The following SWT1 variants were observed in gnomAD, a reference collection of about 807,000 sequenced individuals.
SWT1 encodes the protein SWT1 RNA endoribonuclease homolog.
In SWT1, 33 loss-of-function variants were observed where a neutral mutation model predicts 107.3. The ratio of observed to expected loss-of-function variants is 0.31; its 90% CI spans 0.23 to 0.41. The LOEUF (loss-of-function observed/expected upper bound fraction) is 0.41. SWT1 is among the 10% of genes least tolerant of loss of function. The pLI is 1.00. For synonymous variants in SWT1, 345 were observed against 348.3 expected (o/e 0.99, Z 0.11); for missense variants, 898 against 1,028.9 (o/e 0.87, Z 1.74).
intron 16 of SWT1, among the ~76,000 whole-genome samples, chr1:185,246,489 C>G (rs1033515480): frequency 6.6e-6 from 1 of 152,008 alleles, no homozygotes; most frequent in African/African-American, 2.4e-5. Context: ...GTTGATCAGG[C>G]TGGTCTCGAA....
At chr1:185,284,785 G>A (rs911072683) in intron 18 of SWT1, among the ~76,000 whole-genome samples, 3 of 152,136 alleles carry the variant, frequency 2.0e-5, no homozygotes, top group Non-Finnish European at 1.5e-5. Context: ...GTGTCTTCAA[G>A]AGATAATTAT....
intron 6 of SWT1, among the ~76,000 whole-genome samples, chr1:185,181,304 A>G (rs532503670): frequency 6.6e-6 from 1 of 152,290 alleles, no homozygotes; most frequent in South Asian, 2.1e-4. Context: ...ATATTAATTG[A>G]TTTTTATTTG....
chr1:185,182,939 C>G (rs1404575010), intron 7 of SWT1, among the ~76,000 whole-genome samples: 1 of 151,958 alleles, frequency 6.6e-6, no homozygotes, highest in African/African-American at 2.4e-5. Flanking sequence ...AGTTCGAGAC[C>G]AGTCTGGCCA....
At chr1:185,269,995 T>C (rs1383734709) in intron 16 of SWT1, among the ~76,000 whole-genome samples, 1 of 151,958 alleles carries the variant, frequency 6.6e-6, no homozygotes, top group Non-Finnish European at 1.5e-5. Context: ...CTTTATTAGA[T>C]GATGATGATG....
In SWT1 at chr1:185,291,183, C is replaced by A. The variant is rs536885696; in HGVS notation, c.*380C>A. Reference sequence around the variant, plus strand: ...TTCAACCCTAAGTATGGGCATGTGACCAGAGACACTGCCAAACCCTAAGAA... The same window carrying A: ...TTCAACCCTAAGTATGGGCATGTGAACAGAGACACTGCCAAACCCTAAGAA... On this transcript the variant is annotated 3_prime_UTR_variant, in exon 19 of 19. Transcript: ENST00000367500. 1 of 153,630 alleles carries A rather than the reference C, an allele frequency of 6.5e-6. No homozygotes were observed. Among genetic ancestry groups the A allele is most frequent in the African/African-American group, 2.4e-5 (1 of 41,454 alleles). The allele number at this position is 153,630 out of a possible 1,614,324, so 9.5% of individuals were successfully genotyped here.
chr1:185,173,538 A>C (rs1458273995), intron 4 of SWT1, among the ~76,000 whole-genome samples: 1 of 149,182 alleles, frequency 6.7e-6, no homozygotes, highest in Non-Finnish European at 1.5e-5. Flanking sequence ...ACCAAAAAAA[A>C]AAAAAAAAAA....
chr1:185,197,646 T>C (rs549401732), intron 10 of SWT1, among the ~76,000 whole-genome samples: 2 of 152,290 alleles, frequency 1.3e-5, no homozygotes, highest in South Asian at 4.1e-4. Context: ...TTGTTGTTGG[T>C]CTATTCAGGG....
chr1:185,202,852 ATTAT>A (rs1657998341), intron 11 of SWT1, 53 bp downstream of exon 11: 10 of 998,872 alleles, frequency 1.0e-5, no homozygotes, highest in South Asian at 5.1e-5. Context: ...ATACACTAAG[ATTAT>A]TTATAACATT....
In SWT1 at chr1:185,214,669, G is replaced by A. The variant is rs1432839768; in HGVS notation, c.2121+14G>A. On this transcript the variant is annotated intron_variant, in intron 14 of 18. Transcript: ENST00000367500. ...ACATTTGCAGAGGTAAGATGCCTTTGGAATGCCAGTTAGAGTAGCTAATTA... is the reference window on the plus strand; with the variant it reads ...ACATTTGCAGAGGTAAGATGCCTTTAGAATGCCAGTTAGAGTAGCTAATTA... 2.5e-6 allele frequency: 4 copies of A among 1,596,018 alleles called. No individual in the cohort carries two copies. The highest frequency in any genetic ancestry group is 2.3e-5 in the East Asian group (1 of 44,286).
intron 13 of SWT1, among the ~76,000 whole-genome samples, chr1:185,214,140 C>T (rs774158324): frequency 1.3e-5 from 2 of 152,060 alleles, no homozygotes; most frequent in Non-Finnish European, 2.9e-5. Flanking sequence ...CTTCTGATCT[C>T]TCCACAGTAC....
chr1:185,229,206 AATG>A (rs1169175403), intron 15 of SWT1, among the ~76,000 whole-genome samples: 7 of 152,268 alleles, frequency 4.6e-5, no homozygotes, highest in South Asian at 4.1e-4. Flanking sequence ...CCAGGTGGAA[AATG>A]ATGATGATTT....
Position 185,279,472 on chromosome 1 carries a change from T to C in SWT1, c.2573+2804T>C, listed in dbSNP as rs566083892. Among the ~76,000 whole-genome samples, 17 of 152,228 alleles carry C rather than the reference T, an allele frequency of 1.1e-4. No individual in the cohort carries two copies. The South Asian group carries it at 3.5e-3, about 32-fold the overall frequency. Reference sequence around the variant, plus strand: ...GGATTTAAACTATGAAGTTAATGAGTAAACCCTCTTTTATACCCAGAAGGA... The same window carrying C: ...GGATTTAAACTATGAAGTTAATGAGCAAACCCTCTTTTATACCCAGAAGGA... On this transcript the variant is annotated intron_variant, in intron 18 of 18. Transcript: ENST00000367500.
chr1:185,220,138 CAAAAAAAAAAAAAAAA>C (rs34674504), intron 14 of SWT1, among the ~76,000 whole-genome samples: 26 of 45,644 alleles, frequency 5.7e-4, no homozygotes, highest in Non-Finnish European at 9.2e-4. Context: ...GACCCTGTCT[CAAAAAAAAAAAAAAAA>C]AAAAAAAAAA....
chr1:185,238,464 G>A (rs1430108358), intron 16 of SWT1, among the ~76,000 whole-genome samples: 1 of 152,082 alleles, frequency 6.6e-6, no homozygotes, highest in Non-Finnish European at 1.5e-5. Flanking sequence ...TAAAGTTTAA[G>A]GTTTTATCCC....
intron 5 of SWT1, among the ~76,000 whole-genome samples, chr1:185,177,213 C>T (rs1276832240): frequency 2.6e-5 from 4 of 152,242 alleles, no homozygotes; most frequent in African/African-American, 9.6e-5. Flanking sequence ...AACCATTTCT[C>T]TAGAGTAGAA....
In SWT1 at chr1:185,247,615, T is replaced by G. The variant is rs1054784199; in HGVS notation, c.2441+15907T>G. Among the ~76,000 whole-genome samples the G allele has an allele frequency of 8.5e-5, 13 of 152,352 alleles. No homozygotes were observed. In the South Asian group the frequency reaches 2.7e-3, roughly 32 times the overall value. ...TACTGAAACTTGATACATGGAAATT[T>G]TCAGTTTGGCTCTGTAGAGGTCTGT... On this transcript the variant is annotated intron_variant, in intron 16 of 18. Coordinates refer to ENST00000367500, the MANE Select transcript of SWT1 (RefSeq NM_017673.7).
intron 4 of SWT1, among the ~76,000 whole-genome samples, chr1:185,169,049 A>G (rs1654825050): frequency 6.6e-6 from 1 of 152,190 alleles, no homozygotes; most frequent in South Asian, 2.1e-4. Context: ...ATGGCATTAA[A>G]TATTACAAAT....
intron 8 of SWT1, 24 bp from the exon 9 acceptor site, chr1:185,184,719 C>T (rs760684457): frequency 5.7e-6 from 9 of 1,583,196 alleles, no homozygotes; most frequent in African/African-American, 2.7e-5. Flanking sequence ...TTGTTAAATT[C>T]TAAGAAATCT....
intron 16 of SWT1, among the ~76,000 whole-genome samples, chr1:185,251,694 T>G (rs572559639): frequency 1.9e-4 from 29 of 152,002 alleles, no homozygotes; most frequent in Admixed American, 1.9e-3. Flanking sequence ...TCTTTGCTTT[T>G]TCATCAACCA....
Sources: allele counts gnomAD v4.1 joint callset (sites outside exome capture counted in the v4.1 genomes callset), GRCh38; gene constraint gnomAD v4.1.1; transcripts MANE v1.5; gene names NCBI Gene and HGNC (gene_info 2026-07-23, HGNC 2026-07-21).